ZSCAN25: variants seen among roughly 807,000 people sequenced by gnomAD.
ZSCAN25 encodes the protein zinc finger and SCAN domain-containing protein 25.
Under a neutral mutation model 38.7 loss-of-function variants are expected in ZSCAN25, and 27 were observed. That is an observed-to-expected ratio of 0.70 (90% CI 0.51 to 0.96). The LOEUF (loss-of-function observed/expected upper bound fraction) is 0.96, where lower values mean the gene tolerates loss of function less well. ZSCAN25 is among the 40% of genes least tolerant of loss of function. The probability of loss-of-function intolerance (pLI) is 0.00; values close to 1 mark genes in which losing one functional copy is unlikely to be tolerated. For missense variants in ZSCAN25, 637 were observed against 705.9 expected (o/e 0.90, Z 1.11); for synonymous variants, 273 against 277.7 (o/e 0.98, Z 0.17).
chr7:99,734,716 G>C, the ZSCAN25 span, among the ~76,000 whole-genome samples: 1 of 151,016 alleles, frequency 6.6e-6, no homozygotes, highest in Non-Finnish European at 1.5e-5. Context: ...CCGCCTCCCA[G>C]GTTCAAGCAA....
At chr7:99,736,087 A>G in the ZSCAN25 span, among the ~76,000 whole-genome samples, 1 of 152,236 alleles carries the variant, frequency 6.6e-6, no homozygotes, top group Non-Finnish European at 1.5e-5. Flanking sequence ...GCTTAGTGGA[A>G]TAGCATCAAT....
the ZSCAN25 span, among the ~76,000 whole-genome samples, chr7:99,727,469 C>T: frequency 1.3e-5 from 2 of 152,278 alleles, no homozygotes; most frequent in Admixed American, 6.5e-5. Context: ...CCACAATTAC[C>T]ATTGTACCTG....
the ZSCAN25 span, among the ~76,000 whole-genome samples, chr7:99,706,211 T>C: frequency 6.6e-6 from 1 of 152,206 alleles, no homozygotes; most frequent in Non-Finnish European, 1.5e-5. Flanking sequence ...TCAACTTTTC[T>C]TATTGAGACA....
chr7:99,713,264 G>A, the ZSCAN25 span, among the ~76,000 whole-genome samples: 3 of 152,104 alleles, frequency 2.0e-5, no homozygotes, highest in Non-Finnish European at 4.4e-5. Flanking sequence ...TTTCCTTAGG[G>A]TTGCCCTTTA....
chr7:99,705,423 T>C, the ZSCAN25 span: 12 of 1,508,938 alleles, frequency 8.0e-6, 1 homozygote. Flanking sequence ...CAGGGTTCTA[T>C]TTGTAAAGTA....
chr7:99,659,591 C>CTCTT, the ZSCAN25 span: 1 of 152,644 alleles, frequency 6.6e-6, no homozygotes, highest in Admixed American at 6.5e-5. Context: ...AACCACTACT[C>CTCTT]TCTTCAAAGC....
At chr7:99,679,846 G>A in the ZSCAN25 span, 1 of 1,614,162 alleles carries the variant, frequency 6.2e-7, no homozygotes, top group East Asian at 2.2e-5. Context: ...GCACCAGGCT[G>A]ACAGCCAGGA....
the ZSCAN25 span, chr7:99,713,415 A>G: frequency 6.2e-7 from 1 of 1,611,240 alleles, no homozygotes; most frequent in Non-Finnish European, 8.5e-7. Flanking sequence ...TTTCAGAACA[A>G]AACCTTCCCT....
chr7:99,629,104 G>C lies in ZSCAN25; in HGVS notation c.806-87G>C. The C allele has an allele frequency of 6.7e-7, 1 of 1,498,464 alleles. No homozygotes were observed. Among genetic ancestry groups the C allele is most frequent in the Non-Finnish European group, 8.9e-7 (1 of 1,122,242 alleles). 92.8% of individuals were successfully genotyped at this position (1,498,464 alleles called of 1,614,324 possible). ...CAAAGGAAAAAAGAGAAGGAACCAT[G>C]AATGGGACCCCTGTGAAGCAGAGTT... is the stretch of plus-strand genomic sequence containing the variant. On this transcript the variant is annotated intron_variant, in intron 7 of 7. Transcript: ENST00000394152. This position sits in a 1 kb window ranked among gnomAD's most constrained non-coding sequence, Gnocchi z 5.6.
At chr7:99,725,123 G>A in the ZSCAN25 span, among the ~76,000 whole-genome samples, 1 of 152,114 alleles carries the variant, frequency 6.6e-6, no homozygotes, top group Non-Finnish European at 1.5e-5. Context: ...AGCATACAAG[G>A]CTGTTAATTA....
chr7:99,655,495 T>C, the ZSCAN25 span, among the ~76,000 whole-genome samples: 1 of 152,234 alleles, frequency 6.6e-6, no homozygotes, highest in South Asian at 2.1e-4. Flanking sequence ...TGTAGTATAG[T>C]TTGAAGTCAG....
chr7:99,647,469 A>G, the ZSCAN25 span: 201 of 984,854 alleles, frequency 2.0e-4, 2 homozygotes, highest in East Asian at 0.012. Flanking sequence ...TTTTTTATTC[A>G]GTGTTCATTG....
At chr7:99,660,030 C>T in the ZSCAN25 span, 13 of 194,862 alleles carry the variant, frequency 6.7e-5, no homozygotes, top group South Asian at 1.8e-4. Flanking sequence ...GGTGATGCCT[C>T]GCCCTGCTTT....
the ZSCAN25 span, among the ~76,000 whole-genome samples, chr7:99,706,883 A>C: frequency 6.6e-6 from 1 of 152,268 alleles, no homozygotes; most frequent in Non-Finnish European, 1.5e-5. Flanking sequence ...GGGATATTTT[A>C]AATGGAATAA....
chr7:99,674,720 CAG>C, the ZSCAN25 span: 4 of 639,116 alleles, frequency 6.3e-6, no homozygotes, highest in Non-Finnish European at 1.1e-5. Context: ...GGAAGCTATT[CAG>C]AGATGTCTTA....
At chr7:99,677,216 C>T in the ZSCAN25 span, 125 of 985,288 alleles carry the variant, frequency 1.3e-4, no homozygotes, top group Admixed American at 2.5e-4. Context: ...CTTCCCCCTC[C>T]GGTGTGACTG....
chr7:99,672,980 CTGGG>C, the ZSCAN25 span: 1 of 929,834 alleles, frequency 1.1e-6, no homozygotes, highest in Middle Eastern at 4.3e-4. Context: ...ATTCGTTAAG[CTGGG>C]TGGTACATAC....
At chr7:99,726,189 G>T in the ZSCAN25 span, among the ~76,000 whole-genome samples, 3 of 151,952 alleles carry the variant, frequency 2.0e-5, no homozygotes, top group African/African-American at 7.3e-5. Context: ...CTCCCTCCCT[G>T]GCAACTGATC....
At chr7:99,624,905 G>A (rs1025789015) in intron 7 of ZSCAN25, among the ~76,000 whole-genome samples, 2 of 152,184 alleles carry the variant, frequency 1.3e-5, no homozygotes, top group African/African-American at 2.4e-5. Flanking sequence ...GGATGCCGGC[G>A]GGGAGAGGAA....
Sources: allele counts gnomAD v4.1 joint callset (sites outside exome capture counted in the v4.1 genomes callset), GRCh38; gene constraint gnomAD v4.1.1; non-coding constraint Gnocchi (gnomAD v3.1); transcripts MANE v1.5; gene names NCBI Gene and HGNC (gene_info 2026-07-23, HGNC 2026-07-21).